The following PLCZ1 variants were observed in gnomAD, a reference collection of about 807,000 sequenced individuals.
PLCZ1 encodes phospholipase C zeta 1, also known as 1-phosphatidylinositol 4,5-bisphosphate phosphodiesterase zeta-1.
A neutral mutation model predicts 76.8 loss-of-function variants in PLCZ1; 64 were observed. The ratio of observed to expected loss-of-function variants is 0.83; its 90% CI spans 0.68 to 1.03. The LOEUF (loss-of-function observed/expected upper bound fraction) is 1.03. PLCZ1 is among the 50% of genes least tolerant of loss of function. The pLI is 0.00. For synonymous variants in PLCZ1, 248 were observed against 230.8 expected (o/e 1.07, Z -0.68); for missense variants, 751 against 713.7 (o/e 1.05, Z -0.60).
chr12:18,687,441 A>T (rs958850390), intron 13 of PLCZ1, among the ~76,000 whole-genome samples: 2 of 152,134 alleles, frequency 1.3e-5, no homozygotes, highest in Non-Finnish European at 2.9e-5. Flanking sequence ...ACCAGGGATC[A>T]ATCCCAGGAA....
intron 10 of PLCZ1, among the ~76,000 whole-genome samples, chr12:18,696,533 ATTAGATAAT>A (rs1166772164): frequency 6.6e-6 from 1 of 151,654 alleles, no homozygotes; most frequent in Non-Finnish European, 1.5e-5. Flanking sequence ...GAAAAAATTG[ATTAGATAAT>A]TTATATATTT....
intron 2 of PLCZ1, chr12:18,736,884 C>T (rs1959367936): frequency 2.4e-6 from 1 of 424,244 alleles, no homozygotes; most frequent in South Asian, 1.8e-5. Flanking sequence ...CAGCTACACA[C>T]ACACTCAAGA....
chr12:18,681,933 G>T (rs1952454832), downstream of PLCZ1, among the ~76,000 whole-genome samples: 1 of 152,036 alleles, frequency 6.6e-6, no homozygotes, highest in African/African-American at 2.4e-5. Flanking sequence ...AAAGGCCTTA[G>T]GAGATTAGGG....
intron 3 of PLCZ1, 46 bp from the exon 4 acceptor site, chr12:18,723,588 T>A: frequency 7.2e-7 from 1 of 1,391,774 alleles, no homozygotes; most frequent in African/African-American, 1.4e-5. Context: ...GTATAAAAAA[T>A]ACATAAAATG....
chr12:18,734,396 G>A (rs1188184441), intron 3 of PLCZ1, among the ~76,000 whole-genome samples: 1 of 152,098 alleles, frequency 6.6e-6, no homozygotes, highest in East Asian at 1.9e-4. Flanking sequence ...TGTTGCCCAG[G>A]CTGAAGTGCA....
rs1592313449 is a variant in PLCZ1 at position 18,737,521 on chromosome 12, G to A, written c.-138-12C>T. ...CTGTTACCACTTTTCTAGGGAGAAA[G>A]CAGAGAACACACAGTGGTTTTTTTT... On this transcript the variant is annotated splice_polypyrimidine_tract_variant and intron_variant, in intron 1 of 14. Transcript: ENST00000266505. 1.0e-5 allele frequency: 11 copies of A among 1,068,818 alleles called. No individual in the cohort carries two copies. The South Asian group carries it at 1.3e-4, about 13-fold the overall frequency. The allele number at this position is 1,068,818 out of a possible 1,614,324, so 66.2% of individuals were successfully genotyped here.
intron 7 of PLCZ1, among the ~76,000 whole-genome samples, chr12:18,703,092 C>G (rs1956159044): frequency 2.0e-5 from 3 of 152,142 alleles, no homozygotes; most frequent in Admixed American, 2.0e-4. Flanking sequence ...AAGCGGGATT[C>G]TCTTCCAAGA....
chr12:18,669,011 C>T, the PLCZ1 span, among the ~76,000 whole-genome samples: 2 of 152,108 alleles, frequency 1.3e-5, no homozygotes, highest in African/African-American at 4.8e-5. Context: ...TGAGCAAAAG[C>T]TAGTGCAGAA....
chr12:18,691,423 T>G (rs73344987), intron 12 of PLCZ1, among the ~76,000 whole-genome samples: 1,863 of 152,230 alleles, frequency 0.012, 44 homozygotes, highest in African/African-American at 0.042. Context: ...GCATTGTTGG[T>G]GGTGAAACTA....
the PLCZ1 span, among the ~76,000 whole-genome samples, chr12:18,675,312 G>A: frequency 6.6e-6 from 1 of 152,106 alleles, no homozygotes; most frequent in Non-Finnish European, 1.5e-5. Flanking sequence ...AAGCCACTCT[G>A]TTTTGGGGAA....
chr12:18,656,664 G>A, the PLCZ1 span, among the ~76,000 whole-genome samples: 1 of 152,166 alleles, frequency 6.6e-6, no homozygotes, highest in Non-Finnish European at 1.5e-5. Context: ...TGAGGCAGGA[G>A]TTCAAGTTAG....
the PLCZ1 span, among the ~76,000 whole-genome samples, chr12:18,668,062 G>A: frequency 5.9e-5 from 9 of 152,094 alleles, no homozygotes; most frequent in African/African-American, 1.9e-4. Flanking sequence ...GTCAAAGTTC[G>A]TCTCCACTTA....
chr12:18,693,027 C>A (rs1355142375), intron 12 of PLCZ1: 7 of 1,436,716 alleles, frequency 4.9e-6, no homozygotes, highest in African/African-American at 1.4e-5. Context: ...AAATCAGGAA[C>A]AAATGAAACC....
At chr12:18,670,192 T>A in the PLCZ1 span, among the ~76,000 whole-genome samples, 1 of 152,064 alleles carries the variant, frequency 6.6e-6, no homozygotes, top group Non-Finnish European at 1.5e-5. Flanking sequence ...TGAAACAAGA[T>A]CAATATAAAA....
At chr12:18,733,148 T>C (rs775937524) in intron 3 of PLCZ1, among the ~76,000 whole-genome samples, 2 of 152,224 alleles carry the variant, frequency 1.3e-5, no homozygotes, top group Non-Finnish European at 2.9e-5. Flanking sequence ...ATAATCATTC[T>C]TACAGGTATG....
chr12:18,652,952 A>C, the PLCZ1 span, among the ~76,000 whole-genome samples: 1 of 152,074 alleles, frequency 6.6e-6, no homozygotes, highest in Non-Finnish European at 1.5e-5. Flanking sequence ...AGAGAGAAAG[A>C]GAGAGACTGA....
intron 5 of PLCZ1, among the ~76,000 whole-genome samples, chr12:18,713,542 G>A (rs535783971): frequency 2.0e-5 from 3 of 152,254 alleles, no homozygotes; most frequent in Non-Finnish European, 4.4e-5. Flanking sequence ...TGGCTACACA[G>A]TATGGAAGCT....
At chr12:18,678,804 G>A (rs1478306770), downstream of PLCZ1, among the ~76,000 whole-genome samples, 1 of 152,002 alleles carries the variant, frequency 6.6e-6, no homozygotes, top group African/African-American at 2.4e-5. Flanking sequence ...TCTATAAACA[G>A]TTATGGAAGC....
rs1959608955 is a variant in PLCZ1, at chr12:18,737,938, CGAA to C, written c.-148_-146del. The C allele has an allele frequency of 4.1e-5, 13 of 317,168 alleles. No individual in the cohort carries two copies. The South Asian group carries it at 7.2e-4, about 18-fold the overall frequency. 19.6% of individuals were successfully genotyped at this position (317,168 alleles called of 1,614,324 possible). On this transcript the variant is annotated 5_prime_UTR_variant, in exon 1 of 15. Coordinates refer to ENST00000266505, the MANE Select transcript of PLCZ1 (RefSeq NM_033123.4). ...AATGCACACAGAGACACACCACTTT[CGAA>C]GAAGACTGTTCAGGAGGCTAAGTTC...
Sources: allele counts gnomAD v4.1 joint callset (sites outside exome capture counted in the v4.1 genomes callset), GRCh38; gene constraint gnomAD v4.1.1; transcripts MANE v1.5; gene names NCBI Gene and HGNC (gene_info 2026-07-23, HGNC 2026-07-21).